The following SPDYE14 variants were observed in gnomAD, a reference collection of about 807,000 sequenced individuals.
SPDYE14 encodes the protein speedy protein E14.
the SPDYE14 span, chr7:75,237,451 A>AGCCGCG: frequency 1.4e-4 from 1 of 7,194 alleles, no homozygotes; most frequent in Admixed American, 1.4e-3. Context: ...CGGGGGGACG[A>AGCCGCG]GCCGCGGCCC....
chr7:75,271,235 A>G, the SPDYE14 span, among the ~76,000 whole-genome samples: 3 of 46,532 alleles, frequency 6.4e-5, 1 homozygote, highest in African/African-American at 1.5e-4. Context: ...AAAAAAAAAA[A>G]AGCCAGGCAT....
At chr7:75,255,079 CCTTT>C in the SPDYE14 span, among the ~76,000 whole-genome samples, 31 of 13,584 alleles carry the variant, frequency 2.3e-3, 4 homozygotes, top group Middle Eastern at 0.019. Flanking sequence ...CTTTCTTTCT[CCTTT>C]CTTTCTTTCT....
At chr7:75,278,415 C>T in the SPDYE14 span, among the ~76,000 whole-genome samples, 2 of 26,844 alleles carry the variant, frequency 7.5e-5, 1 homozygote, top group Non-Finnish European at 2.1e-4. Context: ...AACCCCATCT[C>T]TACAAAAATA....
At chr7:75,237,722 G>T in the SPDYE14 span, 1 of 112,506 alleles carries the variant, frequency 8.9e-6, no homozygotes, top group South Asian at 3.4e-4. Flanking sequence ...CCACTCAAAC[G>T]CCGGTCCCCG....
the SPDYE14 span, among the ~76,000 whole-genome samples, chr7:75,257,408 TG>T: frequency 4.3e-5 from 2 of 46,192 alleles, 1 homozygote; most frequent in African/African-American, 1.3e-4. Context: ...AGGAAACGGG[TG>T]TGTGTCCAGG....
chr7:75,247,488 AGAAAGAAAGAAAGAAAGAG>A, the SPDYE14 span, among the ~76,000 whole-genome samples: 1 of 121,770 alleles, frequency 8.2e-6, no homozygotes, highest in Non-Finnish European at 2.0e-5. Flanking sequence ...AAGAAAAGAA[AGAAAGAAAGAAAGAAAGAG>A]GAAAGAAAGA....
At chr7:75,265,082 C>A in the SPDYE14 span, among the ~76,000 whole-genome samples, 1 of 33,560 alleles carries the variant, frequency 3.0e-5, no homozygotes, top group Non-Finnish European at 6.6e-5. Flanking sequence ...TTCCTCTCCC[C>A]CTTCCCCTCC....
chr7:75,249,578 TTTCC>T, the SPDYE14 span, among the ~76,000 whole-genome samples: 2,382 of 60,126 alleles, frequency 0.04, 277 homozygotes, highest in Middle Eastern at 0.058. Flanking sequence ...TCCTTCCTTC[TTTCC>T]TTCCTTCCTT....
the SPDYE14 span, among the ~76,000 whole-genome samples, chr7:75,273,335 G>C: frequency 1.7e-5 from 1 of 60,458 alleles, no homozygotes; most frequent in Non-Finnish European, 4.3e-5. Context: ...TCATGAGTTC[G>C]AGACCAGCCT....
At chr7:75,275,739 TAAAAAAAAAA>T in the SPDYE14 span, among the ~76,000 whole-genome samples, 1 of 14,544 alleles carries the variant, frequency 6.9e-5, no homozygotes, top group Non-Finnish European at 1.7e-4. Context: ...AAAAATAAAT[TAAAAAAAAAA>T]AAAAAAAAAA....
chr7:75,268,845 C>CAGAG, the SPDYE14 span, among the ~76,000 whole-genome samples: 352 of 9,612 alleles, frequency 0.037, 59 homozygotes, highest in African/African-American at 0.053. Flanking sequence ...GCACTCCAGC[C>CAGAG]AGAGAGAGAG....
the SPDYE14 span, among the ~76,000 whole-genome samples, chr7:75,279,766 T>A: frequency 4.0e-4 from 23 of 57,538 alleles, 2 homozygotes; most frequent in Non-Finnish European, 5.9e-4. Context: ...GTATTTTTAC[T>A]AGAGATGGGG....
chr7:75,237,631 G>C, the SPDYE14 span: 5 of 56,564 alleles, frequency 8.8e-5, no homozygotes, highest in African/African-American at 2.2e-4. Context: ...CGGAGCAGCA[G>C]CCGAGGGGCC....
the SPDYE14 span, among the ~76,000 whole-genome samples, chr7:75,249,835 G>A: frequency 8.6e-3 from 1,060 of 123,890 alleles, 15 homozygotes; most frequent in Non-Finnish European, 0.011. Context: ...CACCACACCC[G>A]GCTAATTTTT....
At chr7:75,246,682 C>T in the SPDYE14 span, among the ~76,000 whole-genome samples, 1 of 29,284 alleles carries the variant, frequency 3.4e-5, no homozygotes, top group African/African-American at 1.2e-4. Flanking sequence ...GTGAAGTCAG[C>T]ACCCAATTCA....
At chr7:75,241,669 T>TAAAA in the SPDYE14 span, among the ~76,000 whole-genome samples, 221 of 22,618 alleles carry the variant, frequency 9.8e-3, 13 homozygotes, top group African/African-American at 0.022. Flanking sequence ...TGGGTCTTGG[T>TAAAA]AAAAAAAAAA....
At chr7:75,279,452 ATTT>A in the SPDYE14 span, among the ~76,000 whole-genome samples, 1 of 92,912 alleles carries the variant, frequency 1.1e-5, no homozygotes. Flanking sequence ...ACACCCAGCT[ATTT>A]TTTTTTTTTT....
chr7:75,241,693 ATATTTTTTTTT>A, the SPDYE14 span, among the ~76,000 whole-genome samples: 2 of 22,706 alleles, frequency 8.8e-5, 1 homozygote, highest in Admixed American at 1.5e-3. Context: ...ATATATATAT[ATATTTTTTTTT>A]TTTTTTTTGA....
chr7:75,251,542 G>GT, the SPDYE14 span, among the ~76,000 whole-genome samples: 1 of 59,870 alleles, frequency 1.7e-5, no homozygotes, highest in African/African-American at 1.0e-4. Flanking sequence ...GTGTGTGTGT[G>GT]GTAGAAATGG....
Sources: allele counts gnomAD v4.1 joint callset (sites outside exome capture counted in the v4.1 genomes callset), GRCh38; gene constraint gnomAD v4.1.1; transcripts MANE v1.5; gene names NCBI Gene and HGNC (gene_info 2026-07-23, HGNC 2026-07-21).